Variants in SCLY observed in about 807,000 individuals in gnomAD.
SCLY encodes the protein selenocysteine lyase.
A neutral mutation model predicts 50.1 loss-of-function variants in SCLY; 38 were observed. The ratio of observed to expected loss-of-function variants is 0.76; its 90% CI spans 0.59 to 0.99. The LOEUF (loss-of-function observed/expected upper bound fraction) is 0.99. SCLY is among the 50% of genes least tolerant of loss of function. The pLI, the probability that SCLY is intolerant of heterozygous loss-of-function variation, is 0.00. For missense variants in SCLY, 600 were observed against 620.0 expected (o/e 0.97, Z 0.34); for synonymous variants, 243 against 249.4 (o/e 0.97, Z 0.24).
chr2:238,084,742 A>G (rs1450168154), intron 7 of SCLY, among the ~76,000 whole-genome samples: 2 of 151,152 alleles, frequency 1.3e-5, no homozygotes, highest in Non-Finnish European at 2.9e-5. Context: ...AAAGTACGAA[A>G]AATTAGCCAG....
intron 2 of SCLY, 181 bp downstream of exon 2, chr2:238,064,650 T>C: frequency 2.1e-6 from 1 of 475,808 alleles, no homozygotes. Flanking sequence ...AGCTGAGCCT[T>C]GTCGATACTG....
At chr2:238,091,539 TGC>T in intron 8 of SCLY, 375 of 399,522 alleles carry the variant, frequency 9.4e-4, no homozygotes, top group Admixed American at 2.4e-3. Context: ...AGTGTCAAGC[TGC>T]AGGTTCACCA....
At chr2:238,070,225 A>T (rs563458652) in intron 4 of SCLY, among the ~76,000 whole-genome samples, 27 of 152,362 alleles carry the variant, frequency 1.8e-4, no homozygotes, top group Non-Finnish European at 3.5e-4. Context: ...GCAGCCAATT[A>T]ATCAACACTA....
intron 8 of SCLY, chr2:238,091,519 GC>G: frequency 1.8e-5 from 8 of 449,482 alleles, no homozygotes; most frequent in South Asian, 1.3e-4. Context: ...TACTGTTACA[GC>G]AGAGGTGAAG....
chr2:238,073,949 TAATC>T (rs755138946), intron 4 of SCLY: 11 of 298,684 alleles, frequency 3.7e-5, no homozygotes, highest in Non-Finnish European at 4.6e-5. Flanking sequence ...AAATATGTGT[TAATC>T]AACTGCTTAC....
intron 6 of SCLY, 85 bp downstream of exon 6, chr2:238,082,294 C>A: frequency 7.3e-7 from 1 of 1,360,934 alleles, no homozygotes; most frequent in Non-Finnish European, 1.0e-6. Context: ...AGCCTCACTG[C>A]CCACCGTGAG....
At chr2:238,073,809 TGAA>T (rs1316299797) in intron 4 of SCLY, 1 of 462,796 alleles carries the variant, frequency 2.2e-6, no homozygotes, top group Non-Finnish European at 4.4e-6. Flanking sequence ...ATGATGAAGA[TGAA>T]GACCTTTATG....
intron 4 of SCLY, among the ~76,000 whole-genome samples, chr2:238,072,245 C>T (rs1007009412): frequency 7.2e-5 from 11 of 152,080 alleles, no homozygotes; most frequent in African/African-American, 2.7e-4. Flanking sequence ...AGATGAACAA[C>T]ATTTCATTGT....
intron 9 of SCLY, 35 bp downstream of exon 9, chr2:238,093,979 A>G (rs2065397508): frequency 6.6e-7 from 1 of 1,524,698 alleles, no homozygotes; most frequent in South Asian, 1.1e-5. Context: ...CAGGAGGGGG[A>G]GGGTGCGTGG....
At chr2:238,095,914 T>C (rs1273428699) in intron 10 of SCLY, 1 of 151,720 alleles carries the variant, frequency 6.6e-6, no homozygotes, top group Non-Finnish European at 1.5e-5. Flanking sequence ...ATAACTTTTT[T>C]TTTTTTTTTT....
intron 4 of SCLY, chr2:238,078,918 C>T (rs1368466148): frequency 2.0e-5 from 3 of 152,074 alleles, no homozygotes; most frequent in African/African-American, 7.2e-5. Context: ...ATCTTGAACT[C>T]CTGGCCTCAA....
intron 2 of SCLY, chr2:238,064,735 T>TGA (rs1453672668): frequency 1.6e-5 from 4 of 249,058 alleles, no homozygotes; most frequent in Non-Finnish European, 3.1e-5. Context: ...AGGTGTCTAC[T>TGA]GAGAGTTCCT....
rs1406862687 is a variant in SCLY, at chr2:238,069,331, A to G, written c.338A>G (p.His113Arg). Reference protein sequence around the residue: ...NNLVIHSVVKHFHANQTSKGH... With the variant: ...NNLVIHSVVKRFHANQTSKGH... ...TTAGTAATCCATTCTGTGGTGAAACATTTCCACGCAAACCAGACCTCAAAG... is the reference window on the plus strand; with the variant it reads ...TTAGTAATCCATTCTGTGGTGAAACGTTTCCACGCAAACCAGACCTCAAAG... Residue 113 changes from histidine (H) to arginine (R), a missense_variant, in exon 4 of 12, where the codon CAT becomes CGT. His to Arg is a conservative substitution (Grantham distance 29, BLOSUM62 0). Transcript: ENST00000254663. This position sits in a 1 kb window ranked among gnomAD's most constrained non-coding sequence, Gnocchi z 5.0. 1 of 1,613,914 alleles carries G rather than the reference A, an allele frequency of 6.2e-7. No individual in the cohort carries two copies. Among genetic ancestry groups the G allele is most frequent in the Non-Finnish European group, 8.5e-7 (1 of 1,179,926 alleles).
chr2:238,066,291 C>T lies in SCLY; in HGVS notation c.203-1774C>T, dbSNP rs1489455367. ...TAGTGACGGAAGCCTCTGGAAGGTT[C>T]ACCATATACCTGTGAGAAAAGGAGC... On this transcript the variant is annotated intron_variant, in intron 2 of 11. Transcript: ENST00000254663. The surrounding 1 kb of genome is among the most constrained non-coding windows in gnomAD (Gnocchi z 4.1). 6.6e-6 allele frequency among the ~76,000 whole-genome samples: 1 copy of T among 152,196 alleles called. No homozygotes were observed. Among genetic ancestry groups the T allele is most frequent in the Non-Finnish European group, 1.5e-5 (1 of 68,036 alleles).
At chr2:238,094,916 G>C (rs2065410878) in intron 10 of SCLY, 1 of 181,222 alleles carries the variant, frequency 5.5e-6, no homozygotes, top group African/African-American at 2.4e-5. Context: ...TTAAAAACTG[G>C]CAGAGGCTGG....
rs1204316945 is a variant in SCLY, at chr2:238,068,259, A to G, written c.303+94A>G. The stretch of plus-strand genomic sequence containing the variant: ...CCTTTTGCTACATTTTCATTTAAAG[A>G]AAGAGTAGGCCAAGTGTGGTGGCTC... On this transcript the variant is annotated intron_variant, in intron 3 of 11. Coordinates refer to ENST00000254663, the MANE Select transcript of SCLY (RefSeq NM_016510.7). The G allele has an allele frequency of 4.0e-6, 4 of 998,788 alleles. No homozygotes were observed. In the East Asian group the frequency reaches 1.1e-4, roughly 27 times the overall value. 61.9% of individuals were successfully genotyped at this position (998,788 alleles called of 1,614,324 possible).
rs1210694205 is a variant in SCLY, at chr2:238,099,334, C to T, written c.*979C>T. 1.7e-5 allele frequency: 8 copies of T among 471,258 alleles called. No individual in the cohort carries two copies. Among genetic ancestry groups the T allele is most frequent in the African/African-American group, 1.0e-4 (5 of 50,092 alleles). 29.2% of individuals were successfully genotyped at this position (471,258 alleles called of 1,614,324 possible). On this transcript the variant is annotated 3_prime_UTR_variant, in exon 12 of 12. Coordinates refer to ENST00000254663, the MANE Select transcript of SCLY (RefSeq NM_016510.7). ...ATAACATTTTTAATGTGTGGTTTTA[C>T]GGTTCAAGGAACTACTTGATGATTT...
rs1277734644 is a variant in SCLY at position 238,083,526 on chromosome 2, A to G, written c.884+172A>G. On this transcript the variant is annotated intron_variant, in intron 7 of 11. Coordinates refer to ENST00000254663, the MANE Select transcript of SCLY (RefSeq NM_016510.7). The surrounding 1 kb of genome is among the most constrained non-coding windows in gnomAD (Gnocchi z 4.3). ...CTGATTGATTTTACACTGAGGGCTC[A>G]CAGGACCTGCAGTCTCTTTGGGAAT... Among the ~76,000 whole-genome samples the G allele has an allele frequency of 1.3e-5, 2 of 152,216 alleles. No individual in the cohort carries two copies. The highest frequency in any genetic ancestry group is 4.8e-5 in the African/African-American group (2 of 41,470).
rs758859023 is a variant in SCLY, at chr2:238,093,853, GC to G, written c.922-3del. 6.2e-7 allele frequency: 1 copy of G among 1,612,646 alleles called. No individual in the cohort carries two copies. On this transcript the variant is annotated splice_region_variant and splice_polypyrimidine_tract_variant and intron_variant, in intron 8 of 11. Transcript: ENST00000254663. ...TTGTGCATCCACTTGTTGTGTGTCT[GC>G]CCCCAGGCCGCGGAGCTGGTGACCC...
Sources: gnomAD v4.1 joint callset for allele counts (sites outside exome capture counted in the v4.1 genomes callset) on GRCh38, gnomAD v4.1.1 for gene constraint, Gnocchi (gnomAD v3.1) non-coding constraint, MANE v1.5 for transcripts, NCBI Gene and HGNC (gene_info 2026-07-23, HGNC 2026-07-21) for gene names.